The following RBMS2 variants were observed in gnomAD, a reference collection of about 807,000 sequenced individuals.
RBMS2 encodes the protein RNA-binding motif, single-stranded-interacting protein 2.
RBMS2 carries 38 observed loss-of-function variants against 58.4 expected under a neutral mutation model. The ratio of observed to expected loss-of-function variants is 0.65; its 90% CI spans 0.50 to 0.85. The LOEUF (loss-of-function observed/expected upper bound fraction) is 0.85, where lower values mean the gene tolerates loss of function less well. Among genes scored for constraint, RBMS2 ranks in the 40% least tolerant of loss-of-function variants. The pLI, the probability that RBMS2 is intolerant of heterozygous loss-of-function variation, is 0.00. For missense variants in RBMS2, 367 were observed against 503.7 expected (o/e 0.73, Z 2.60); for synonymous variants, 151 against 180.7 (o/e 0.84, Z 1.32).
intron 1 of RBMS2, among the ~76,000 whole-genome samples, chr12:56,534,791 G>A (rs942093924): frequency 1.3e-5 from 2 of 151,960 alleles, no homozygotes; most frequent in African/African-American, 4.8e-5. Context: ...ACAGGCGCCC[G>A]CCACCATGCC....
chr12:56,564,837 G>A (rs1343203896), intron 2 of RBMS2, among the ~76,000 whole-genome samples: 4 of 152,122 alleles, frequency 2.6e-5, no homozygotes, highest in Non-Finnish European at 5.9e-5. Context: ...AGCTGGGTGT[G>A]GTGGTGGGCA....
At chr12:56,529,436 C>A (rs1873286362) in intron 1 of RBMS2, among the ~76,000 whole-genome samples, 1 of 151,804 alleles carries the variant, frequency 6.6e-6, no homozygotes, top group African/African-American at 2.4e-5. Context: ...GTGTGCAACA[C>A]ACCTGTAGCC....
chr12:56,542,057 T>A (rs1004847915), intron 1 of RBMS2, among the ~76,000 whole-genome samples: 2 of 15,714 alleles, frequency 1.3e-4, no homozygotes, highest in Non-Finnish European at 1.0e-3. Flanking sequence ...TCTAGTAGAT[T>A]TATTTTTTTT....
At chr12:56,573,945 A>C (rs1882748399) in intron 5 of RBMS2, among the ~76,000 whole-genome samples, 1 of 152,032 alleles carries the variant, frequency 6.6e-6, no homozygotes, top group Non-Finnish European at 1.5e-5. Flanking sequence ...GGTTCAAGTG[A>C]TTCTCCTGCC....
intron 1 of RBMS2, among the ~76,000 whole-genome samples, chr12:56,552,036 C>T (rs1006957937): frequency 7.2e-5 from 11 of 152,102 alleles, no homozygotes; most frequent in African/African-American, 2.4e-4. Context: ...TGCAGTGAGC[C>T]GAGATCGTGC....
chr12:56,562,966 C>CAAA (rs1354741950), intron 2 of RBMS2, among the ~76,000 whole-genome samples: 1 of 152,040 alleles, frequency 6.6e-6, no homozygotes, highest in African/African-American at 2.4e-5. Flanking sequence ...ACTAAAAATA[C>CAAA]AAAAGAATTA....
At chr12:56,585,739 G>A (rs1884583194) in intron 9 of RBMS2, among the ~76,000 whole-genome samples, 1 of 152,142 alleles carries the variant, frequency 6.6e-6, no homozygotes, top group South Asian at 2.1e-4. Context: ...ATTTCACTTG[G>A]ATATATACCT....
rs1592311452 is a variant in RBMS2, at chr12:56,526,620, T to TGC, written c.66+4531_66+4532insGC. Among the ~76,000 whole-genome samples, 6 of 150,410 alleles carry TGC rather than the reference T, an allele frequency of 4.0e-5. 1 individual carries two copies. The East Asian group carries it at 1.2e-3, about 29-fold the overall frequency. ...GATTCTGCAAGATAATTTTGTGTTT[T>TGC]TTTTTTTTTAAACATCAGTTTTAAT... On this transcript the variant is annotated intron_variant, in intron 1 of 13. Transcript: ENST00000262031.
intron 1 of RBMS2, among the ~76,000 whole-genome samples, chr12:56,558,003 T>A (rs1466040582): frequency 7.1e-6 from 1 of 141,352 alleles, no homozygotes; most frequent in Non-Finnish European, 1.5e-5. Flanking sequence ...CCTCCCAAAG[T>A]ACTGGGATTA....
In RBMS2 at chr12:56,589,208, G is replaced by T. The variant is rs569477147; in HGVS notation, c.*75G>T. ...GATACTCATGCTCCCAGATTCCAGAGGGTTAACCAGGAATGGAGACCATCC... is the reference window on the plus strand; with the variant it reads ...GATACTCATGCTCCCAGATTCCAGATGGTTAACCAGGAATGGAGACCATCC... On this transcript the variant is annotated 3_prime_UTR_variant, in exon 14 of 14. Coordinates refer to ENST00000262031, the MANE Select transcript of RBMS2 (RefSeq NM_002898.4). 1.5e-5 allele frequency: 23 copies of T among 1,513,082 alleles called. No individual in the cohort carries two copies. In the African/African-American group the frequency reaches 2.2e-4, roughly 15 times the overall value. The allele number at this position is 1,513,082 out of a possible 1,614,324, so 93.7% of individuals were successfully genotyped here.
chr12:56,548,303 C>T (rs756064578), intron 1 of RBMS2, among the ~76,000 whole-genome samples: 4 of 151,956 alleles, frequency 2.6e-5, no homozygotes, highest in Non-Finnish European at 4.4e-5. Context: ...AAAAATTAGC[C>T]GGGCATGGTG....
intron 1 of RBMS2, among the ~76,000 whole-genome samples, chr12:56,533,435 A>G (rs1224533273): frequency 3.6e-4 from 6 of 16,682 alleles, no homozygotes; most frequent in African/African-American, 7.3e-4. Context: ...TTTTTTTTTG[A>G]GACGGGATCT....
Position 56,589,411 on chromosome 12 carries a change from CTTTTTG to C in RBMS2, c.*284_*289del, listed in dbSNP as rs1008846252. The C allele has an allele frequency of 4.7e-6, 4 of 849,382 alleles. No individual in the cohort carries two copies. The highest frequency in any genetic ancestry group is 4.6e-5 in the South Asian group (2 of 43,708). The allele number at this position is 849,382 out of a possible 1,614,324, so 52.6% of individuals were successfully genotyped here. A position where few individuals can be genotyped will look rare whatever the true frequency, so the allele number is the denominator to read the frequency against. On this transcript the variant is annotated 3_prime_UTR_variant, in exon 14 of 14. Coordinates refer to ENST00000262031, the MANE Select transcript of RBMS2 (RefSeq NM_002898.4). ...AACTTTTCTTCTTTTGCAAAGAAAG[CTTTTTG>C]TTTTTAACTGCAACGTACTTTTCCC...
chr12:56,568,457 C>T (rs1881732394), intron 2 of RBMS2, among the ~76,000 whole-genome samples: 1 of 151,908 alleles, frequency 6.6e-6, no homozygotes, highest in Non-Finnish European at 1.5e-5. Flanking sequence ...ATAGGGACTA[C>T]AGTTACCTTA....
In RBMS2 at chr12:56,536,637, G is replaced by A. The variant is rs1874914133; in HGVS notation, c.66+14548G>A. ...GGCTGGAGTGCAGTGGCGTGATCTT[G>A]GCTCACTGCAACCTCCACCTGGTGG... On this transcript the variant is annotated intron_variant, in intron 1 of 13. Coordinates refer to ENST00000262031, the MANE Select transcript of RBMS2 (RefSeq NM_002898.4). Among the ~76,000 whole-genome samples, 6 of 150,282 alleles carry A rather than the reference G, an allele frequency of 4.0e-5. No individual in the cohort carries two copies. The South Asian group carries it at 1.3e-3, about 32-fold the overall frequency.
chr12:56,587,616 A>G lies in RBMS2; in HGVS notation c.1014A>G (p.Gly338=). ...CTCTCCAGCCTGCCTCCATGATGGG[A>G]CCCCTTACCCAGCAACTGGGCCATC... ...PISLQPASMM[G]PLTQQLGHLS... Residue 338 remains glycine, a synonymous_variant, in exon 11 of 14, where the codon GGA becomes GGG. Coordinates refer to ENST00000262031, the MANE Select transcript of RBMS2 (RefSeq NM_002898.4). The G allele has an allele frequency of 6.2e-7, 1 of 1,613,824 alleles. No homozygotes were observed. Among genetic ancestry groups the G allele is most frequent in the East Asian group, 2.2e-5 (1 of 44,866 alleles).
chr12:56,546,081 A>G (rs777234826), intron 1 of RBMS2, among the ~76,000 whole-genome samples: 25 of 149,660 alleles, frequency 1.7e-4, no homozygotes, highest in Non-Finnish European at 3.0e-4. Flanking sequence ...GATTACAGGC[A>G]TGCACCACCA....
At chr12:56,558,590 CTTTTT>C (rs10676323) in intron 1 of RBMS2, among the ~76,000 whole-genome samples, 1 of 92,228 alleles carries the variant, frequency 1.1e-5, no homozygotes, top group African/African-American at 4.2e-5. Context: ...TTTCTTTTTC[CTTTTT>C]TTTTTTTTTT....
In RBMS2 at chr12:56,536,021, C is replaced by T. The variant is rs373033970; in HGVS notation, c.66+13932C>T. On this transcript the variant is annotated intron_variant, in intron 1 of 13. Transcript: ENST00000262031. ...TTTGAGGCTAGCCTAGCCAACATGGCGAAACCCTGTCTCTATTAAAAATAC... is the reference window on the plus strand; with the variant it reads ...TTTGAGGCTAGCCTAGCCAACATGGTGAAACCCTGTCTCTATTAAAAATAC... Among the ~76,000 whole-genome samples the T allele has an allele frequency of 5.3e-4, 80 of 151,802 alleles. 1 individual carries two copies. The highest frequency in any genetic ancestry group is 1.6e-3 in the African/African-American group (65 of 41,384).
Sources: allele counts gnomAD v4.1 joint callset (sites outside exome capture counted in the v4.1 genomes callset), GRCh38; gene constraint gnomAD v4.1.1; transcripts MANE v1.5; gene names NCBI Gene and HGNC (gene_info 2026-07-23, HGNC 2026-07-21).